KCNAB2: variants seen among roughly 807,000 people sequenced by gnomAD.
KCNAB2 encodes the protein voltage-gated potassium channel subunit beta-2.
A neutral mutation model predicts 63.6 loss-of-function variants in KCNAB2; 29 were observed. That is an observed-to-expected ratio of 0.46 (90% CI 0.34 to 0.62). The LOEUF (loss-of-function observed/expected upper bound fraction) is 0.62. Ranked by LOEUF, KCNAB2 falls within the 20% of genes least tolerant of loss-of-function variation. The pLI is 0.01. For missense variants in KCNAB2, 359 were observed against 563.9 expected (o/e 0.64, Z 3.68); for synonymous variants, 222 against 224.2 (o/e 0.99, Z 0.09).
intron 1 of KCNAB2, among the ~76,000 whole-genome samples, chr1:5,998,253 G>A (rs1266619702): frequency 6.6e-6 from 1 of 152,240 alleles, no homozygotes; most frequent in Non-Finnish European, 1.5e-5. Context: ...ACCATGGGCT[G>A]GACAGTGATG....
chr1:6,036,225 G>A (rs937742224), intron 1 of KCNAB2, among the ~76,000 whole-genome samples: 15 of 152,310 alleles, frequency 9.8e-5, no homozygotes, highest in Middle Eastern at 3.4e-3. Flanking sequence ...TTTTTAGGCC[G>A]AGTGAGGTGG....
chr1:6,002,785 C>T (rs1481753519), intron 1 of KCNAB2, among the ~76,000 whole-genome samples: 2 of 152,130 alleles, frequency 1.3e-5, no homozygotes, highest in African/African-American at 4.8e-5. Context: ...CAGCTGAGAG[C>T]GGCTGCCCCC....
intron 2 of KCNAB2, among the ~76,000 whole-genome samples, chr1:6,064,032 A>G (rs1032983511): frequency 7.2e-5 from 11 of 152,224 alleles, no homozygotes; most frequent in Non-Finnish European, 1.5e-5. Context: ...GGGGAAGAGT[A>G]AGATGCCAGC....
At position 6,100,055 on chromosome 1, in the gene KCNAB2, G is replaced by A. The variant is rs34324678; in HGVS notation, c.*1481G>A. 0.11 allele frequency: 168,480 copies of A among 1,496,054 alleles called. 11,650 individuals are homozygous for A. The highest frequency in any genetic ancestry group is 0.38 in the East Asian group (15,292 of 40,338). 92.7% of individuals were successfully genotyped at this position (1,496,054 alleles called of 1,614,324 possible). A position where few individuals can be genotyped will look rare whatever the true frequency, so the allele number is the denominator to read the frequency against. The stretch of plus-strand genomic sequence containing the variant: ...AGCCTGTGTCTCCTGCCCCCAGGGC[G>A]CACCCTCAGTGCAGGCACCTCTGTT... On this transcript the variant is annotated 3_prime_UTR_variant, in exon 16 of 16. Coordinates refer to ENST00000378083, the MANE Select transcript of KCNAB2 (RefSeq NM_001199862.2).
chr1:6,072,688 G>A (rs372712671), intron 2 of KCNAB2, 67 bp from the exon 3 acceptor site: 10 of 1,557,036 alleles, frequency 6.4e-6, no homozygotes, highest in East Asian at 4.5e-5. Context: ...TGGCCCTGGC[G>A]GGAACTGAGC....
chr1:6,094,433 A>C lies in KCNAB2; in HGVS notation c.680A>C (p.Gln227Pro). ...TVRAMTHVIN[Q>P]GMAMYWGTSR... is the part of the protein sequence containing the mutation. ...CGCGCCATGACCCACGTCATCAACC[A>C]GGGGATGGCCATGTACTGGGGCACG... Residue 227 changes from glutamine (Q) to proline (P), a missense_variant, in exon 11 of 16, where the codon CAG (glutamine) becomes CCG (proline). Transcript: ENST00000378083. 6.2e-7 allele frequency: 1 copy of C among 1,612,038 alleles called. No individual in the cohort carries two copies. The highest frequency in any genetic ancestry group is 8.5e-7 in the Non-Finnish European group (1 of 1,179,552).
At chr1:6,037,627 A>G (rs1030661703) in intron 1 of KCNAB2, among the ~76,000 whole-genome samples, 1 of 152,224 alleles carries the variant, frequency 6.6e-6, no homozygotes, top group Non-Finnish European at 1.5e-5. Flanking sequence ...AAAGCACAGC[A>G]TCTTTAGGAG....
intron 1 of KCNAB2, among the ~76,000 whole-genome samples, chr1:6,038,969 TC>T (rs1448129420): frequency 3.3e-5 from 5 of 152,188 alleles, no homozygotes; most frequent in African/African-American, 1.2e-4. Flanking sequence ...CAAGCCCTGT[TC>T]CAGGCATGGG....
chr1:6,079,815 G>A (rs1664045617), intron 4 of KCNAB2, among the ~76,000 whole-genome samples: 1 of 152,172 alleles, frequency 6.6e-6, no homozygotes, highest in African/African-American at 2.4e-5. Flanking sequence ...CTATGCGAAT[G>A]TACTTACTGC....
At chr1:5,999,088 G>A (rs1470643736) in intron 1 of KCNAB2, among the ~76,000 whole-genome samples, 4 of 152,238 alleles carry the variant, frequency 2.6e-5, no homozygotes, top group Admixed American at 6.5e-5. Context: ...TTTCAACGGC[G>A]CATTCTTCCA....
chr1:6,015,020 T>TC (rs1264712893), intron 1 of KCNAB2, among the ~76,000 whole-genome samples: 1 of 122,754 alleles, frequency 8.1e-6, no homozygotes, highest in South Asian at 3.1e-4. Flanking sequence ...ACCTTCCTTT[T>TC]TTTTTTTTTT....
intron 1 of KCNAB2, among the ~76,000 whole-genome samples, chr1:6,039,908 C>T (rs1425233872): frequency 6.6e-6 from 1 of 152,204 alleles, no homozygotes; most frequent in African/African-American, 2.4e-5. Flanking sequence ...TTGCCATTAC[C>T]TTTGCCGTGT....
rs111569439 is a variant in KCNAB2, at chr1:6,089,035, G to A, written c.498G>A (p.Arg166=). The change falls in exon 8 of 16, where the codon AGG becomes AGA. Residue 166 remains arginine (R), a synonymous_variant. Coordinates refer to ENST00000378083, the MANE Select transcript of KCNAB2 (RefSeq NM_001199862.2). ...GKAETERGLS[R]KHIIEGLKAS... is the part of the protein sequence containing the mutation. Reference sequence around the variant, plus strand: ...CGGAGACGGAGCGGGGCCTGTCCAGGAAGCACATAATCGAAGGTGAGGACG... The same window carrying A: ...CGGAGACGGAGCGGGGCCTGTCCAGAAAGCACATAATCGAAGGTGAGGACG... 279 of 1,549,094 alleles carry A rather than the reference G, an allele frequency of 1.8e-4. No homozygotes were observed. In the African/African-American group the frequency reaches 3.1e-3, roughly 17 times the overall value.
At chr1:6,045,712 A>G (rs756495110), upstream of KCNAB2, among the ~76,000 whole-genome samples, 5 of 152,132 alleles carry the variant, frequency 3.3e-5, no homozygotes, top group Admixed American at 2.0e-4. The surrounding 1 kb of genome is among the most constrained non-coding windows in gnomAD (Gnocchi z 4.8). Context: ...TGCGGAAGCC[A>G]CAGGCTCTGT....
chr1:6,095,651 A>T, intron 13 of KCNAB2, 27 bp downstream of exon 13: 1 of 1,605,556 alleles, frequency 6.2e-7, no homozygotes, highest in Non-Finnish European at 8.5e-7. Context: ...GTGGGGAGGG[A>T]CGGGCAGGGG....
chr1:6,002,823 C>G (rs1657332816), intron 1 of KCNAB2, among the ~76,000 whole-genome samples: 1 of 152,162 alleles, frequency 6.6e-6, no homozygotes, highest in South Asian at 2.1e-4. Context: ...AGGCGCTTCA[C>G]CCGACTCTGG....
In KCNAB2 at chr1:6,099,459, G is replaced by A. The variant is rs1665891853; in HGVS notation, c.*885G>A. On this transcript the variant is annotated 3_prime_UTR_variant, in exon 16 of 16. Transcript: ENST00000378083. ...TGGCCACCCCTCTGTCCTGGCCCCG[G>A]AAGGCCCTGTGGTCATGTGCTCCTA... is the stretch of plus-strand genomic sequence containing the variant. The A allele has an allele frequency of 8.7e-6, 2 of 229,390 alleles. No homozygotes were observed. Among genetic ancestry groups the A allele is most frequent in the Admixed American group, 5.2e-5 (1 of 19,108 alleles). 14.2% of individuals were successfully genotyped at this position (229,390 alleles called of 1,614,324 possible). A position where few individuals can be genotyped will look rare whatever the true frequency, so the allele number is the denominator to read the frequency against.
intron 5 of KCNAB2, among the ~76,000 whole-genome samples, chr1:6,082,563 G>A (rs534677174): frequency 2.6e-4 from 39 of 152,266 alleles, no homozygotes; most frequent in African/African-American, 8.9e-4. Context: ...TGGAGCTGCT[G>A]TCCTGGGCTC....
At chr1:6,030,154 T>TTAAG (rs1298406952), upstream of KCNAB2, among the ~76,000 whole-genome samples, 1 of 152,180 alleles carries the variant, frequency 6.6e-6, no homozygotes, top group Non-Finnish European at 1.5e-5. Flanking sequence ...AGCCCTGGGG[T>TTAAG]TAAGCGCTAA....
Sources: gnomAD v4.1 joint callset for allele counts (sites outside exome capture counted in the v4.1 genomes callset) on GRCh38, gnomAD v4.1.1 for gene constraint, Gnocchi (gnomAD v3.1) non-coding constraint, MANE v1.5 for transcripts, NCBI Gene and HGNC (gene_info 2026-07-23, HGNC 2026-07-21) for gene names.